The following IL15RA variants were observed in gnomAD, a reference collection of about 807,000 sequenced individuals.
IL15RA encodes the protein interleukin-15 receptor subunit alpha.
A neutral mutation model predicts 24.2 loss-of-function variants in IL15RA; 26 were observed. The ratio of observed to expected loss-of-function variants is 1.07; its 90% CI spans 0.79 to 1.49. The LOEUF is 1.49. Among genes scored for constraint, IL15RA ranks in the 40% most tolerant of loss-of-function variants. The probability of loss-of-function intolerance (pLI) is 0.00; values close to 1 mark genes in which losing one functional copy is unlikely to be tolerated. For synonymous variants in IL15RA, 166 were observed against 157.6 expected (o/e 1.05, Z -0.40); for missense variants, 354 against 356.4 (o/e 0.99, Z 0.05).
At chr10:5,957,428 A>G (rs1834713402) in intron 5 of IL15RA, among the ~76,000 whole-genome samples, 1 of 151,698 alleles carries the variant, frequency 6.6e-6, no homozygotes, top group Non-Finnish European at 1.5e-5. Context: ...GGCAGGTGCC[A>G]CCATGCCCGG....
At chr10:5,957,807 G>A (rs187580603) in intron 5 of IL15RA, among the ~76,000 whole-genome samples, 1 of 152,000 alleles carries the variant, frequency 6.6e-6, no homozygotes, top group East Asian at 1.9e-4. Context: ...GGCCAGGCTG[G>A]TCTCGAACTC....
rs1292324966 is a variant in IL15RA at position 5,965,685 on chromosome 10, C to T, written c.283+460G>A. ...CCCAGCACCTGTGTGTTTCCAACGCCAGGAGCTGTTGCTGAGGATCACACT... is the reference window on the plus strand; with the variant it reads ...CCCAGCACCTGTGTGTTTCCAACGCTAGGAGCTGTTGCTGAGGATCACACT... On this transcript the variant is annotated intron_variant, in intron 2 of 6. Coordinates refer to ENST00000379977, the MANE Select transcript of IL15RA (RefSeq NM_002189.4). This position sits in a 1 kb window ranked among gnomAD's most constrained non-coding sequence, Gnocchi z 5.8. Among the ~76,000 whole-genome samples the T allele has an allele frequency of 6.6e-6, 1 of 152,204 alleles. No homozygotes were observed. The highest frequency in any genetic ancestry group is 1.5e-5 in the Non-Finnish European group (1 of 68,038).
upstream of IL15RA, chr10:5,977,596 A>ATTTGCT (rs1838670913): frequency 8.0e-7 from 1 of 1,256,580 alleles, no homozygotes; most frequent in Non-Finnish European, 1.0e-6. Context: ...CGCCAGTCGC[A>ATTTGCT]TTCGCTTTCG....
chr10:5,969,069 TCTA>T, intron 1 of IL15RA: 1 of 1,140,238 alleles, frequency 8.8e-7, no homozygotes, highest in Non-Finnish European at 1.2e-6. Flanking sequence ...ATTCCATCGA[TCTA>T]TGTGTCTGTT....
In IL15RA at chr10:5,973,348, C is replaced by G. The variant is rs1837915993; in HGVS notation, c.88+4057G>C. Among the ~76,000 whole-genome samples, 1 of 152,198 alleles carries G rather than the reference C, an allele frequency of 6.6e-6. No individual in the cohort carries two copies. Among genetic ancestry groups the G allele is most frequent in the African/African-American group, 2.4e-5 (1 of 41,450 alleles). On this transcript the variant is annotated intron_variant, in intron 1 of 6. Coordinates refer to ENST00000379977, the MANE Select transcript of IL15RA (RefSeq NM_002189.4). The surrounding 1 kb of genome is among the most constrained non-coding windows in gnomAD (Gnocchi z 4.5). ...GTAGTTTTCCATATATGAAAGATGT[C>G]TTTCACATCTTTTGTTAGATTTATC...
upstream of IL15RA, chr10:5,977,899 C>T (rs1201163587): frequency 3.1e-6 from 1 of 317,798 alleles, no homozygotes; most frequent in African/African-American, 2.1e-5. Context: ...AGCAGACTCT[C>T]TCCAGCCCTC....
At chr10:5,978,465 A>G (rs1838773136), upstream of IL15RA, among the ~76,000 whole-genome samples, 1 of 152,126 alleles carries the variant, frequency 6.6e-6, no homozygotes, top group African/African-American at 2.4e-5. This position sits in a 1 kb window ranked among gnomAD's most constrained non-coding sequence, Gnocchi z 5.2. Flanking sequence ...TTAAAATCTC[A>G]CAACGTGTTT....
Position 5,952,701 on chromosome 10 carries a change from T to G in IL15RA, c.*394A>C. The G allele has an allele frequency of 4.4e-6, 1 of 227,502 alleles. No individual in the cohort carries two copies. The allele number at this position is 227,502 out of a possible 1,614,324, so 14.1% of individuals were successfully genotyped here. A position where few individuals can be genotyped will look rare whatever the true frequency, so the allele number is the denominator to read the frequency against. Reference sequence around the variant, plus strand: ...AGAAGCCTTGTAATTGACAGAGAGCTTTGGGTATGTCACTTTTCTCTGTGA... The same window carrying G: ...AGAAGCCTTGTAATTGACAGAGAGCGTTGGGTATGTCACTTTTCTCTGTGA... On this transcript the variant is annotated 3_prime_UTR_variant, in exon 7 of 7. Coordinates refer to ENST00000379977, the MANE Select transcript of IL15RA (RefSeq NM_002189.4).
At position 5,960,362 on chromosome 10, in the gene IL15RA, C is replaced by T; in HGVS notation, c.583+5G>A. On this transcript the variant is annotated splice_donor_5th_base_variant and intron_variant, in intron 4 of 6. Transcript: ENST00000379977. This position sits in a 1 kb window ranked among gnomAD's most constrained non-coding sequence, Gnocchi z 5.1. ...GACCTCTCCTGGGGCAAAGCGAGTG[C>T]TAACCTGGCGGCTGGTGGGAGGCGG... 1 of 1,613,948 alleles carries T rather than the reference C, an allele frequency of 6.2e-7. No homozygotes were observed. The highest frequency in any genetic ancestry group is 8.5e-7 in the Non-Finnish European group (1 of 1,179,848).
downstream of IL15RA, among the ~76,000 whole-genome samples, chr10:5,951,787 T>C (rs3136633): frequency 0.58 from 87,923 of 151,948 alleles, 26,631 homozygotes; most frequent in African/African-American, 0.77. Context: ...ATCTCGCCAT[T>C]GCACTCCAGC....
Position 5,966,288 on chromosome 10 carries a change from T to C in IL15RA, c.140A>G (p.Lys47Arg), listed in dbSNP as rs149532559. ...CTCCCTGGAGTACAAGCTGTAGCTCTTGACCCAGATGTCTGCGTGTTCCAC... is the reference window on the plus strand; with the variant it reads ...CTCCCTGGAGTACAAGCTGTAGCTCCTGACCCAGATGTCTGCGTGTTCCAC... ...MSVEHADIWV[K>R]SYSLYSRERY... The change falls in exon 2 of 7, where the codon AAG (lysine) becomes AGG (arginine). Residue 47 changes from lysine to arginine, a missense_variant. Coordinates refer to ENST00000379977, the MANE Select transcript of IL15RA (RefSeq NM_002189.4). The surrounding 1 kb of genome is among the most constrained non-coding windows in gnomAD (Gnocchi z 6.4). The C allele has an allele frequency of 5.5e-5, 88 of 1,613,904 alleles. No individual in the cohort carries two copies. In the African/African-American group the frequency reaches 1.1e-3, roughly 20 times the overall value.
rs1835904743 is a variant in IL15RA, at chr10:5,963,291, C to A, written c.382+452G>T. ...CTGAGTGGACAGGCATCTGTTCAGG[C>A]CCAACTGTGCTGCCCCTGCTGGCTA... On this transcript the variant is annotated intron_variant, in intron 3 of 6. Coordinates refer to ENST00000379977, the MANE Select transcript of IL15RA (RefSeq NM_002189.4). This position sits in a 1 kb window ranked among gnomAD's most constrained non-coding sequence, Gnocchi z 5.3. Among the ~76,000 whole-genome samples, 1 of 152,174 alleles carries A rather than the reference C, an allele frequency of 6.6e-6. No homozygotes were observed. The highest frequency in any genetic ancestry group is 2.1e-4 in the South Asian group (1 of 4,832).
chr10:5,953,695 C>T lies in IL15RA; in HGVS notation c.693-489G>A. 3.3e-6 allele frequency: 1 copy of T among 301,282 alleles called. No homozygotes were observed. The highest frequency in any genetic ancestry group is 6.0e-5 in the East Asian group (1 of 16,742). The allele number at this position is 301,282 out of a possible 1,614,324, so 18.7% of individuals were successfully genotyped here. The stretch of plus-strand genomic sequence containing the variant: ...AAGGAGAGAGTGACTGGGAGCCTAG[C>T]CAAACCAGAGTTGATCATCTTGAAA... On this transcript the variant is annotated intron_variant, in intron 6 of 6. Transcript: ENST00000379977. The surrounding 1 kb of genome is among the most constrained non-coding windows in gnomAD (Gnocchi z 5.3).
Position 5,958,229 on chromosome 10 carries a change from C to G in IL15RA, c.616+1525G>C. The G allele has an allele frequency of 2.6e-6, 1 of 388,756 alleles. No homozygotes were observed. Among genetic ancestry groups the G allele is most frequent in the South Asian group, 1.7e-5 (1 of 57,442 alleles). 24.1% of individuals were successfully genotyped at this position (388,756 alleles called of 1,614,324 possible). On this transcript the variant is annotated intron_variant, in intron 5 of 6. Coordinates refer to ENST00000379977, the MANE Select transcript of IL15RA (RefSeq NM_002189.4). The surrounding 1 kb of genome is among the most constrained non-coding windows in gnomAD (Gnocchi z 4.3). ...TACAAGGTATACCAGCAAGTGGAAA[C>G]AAACATGGTACAGAAAAGGAGAAAA...
In IL15RA at chr10:5,968,212, C is replaced by G. The variant is rs939047318; in HGVS notation, c.89-1873G>C. Among the ~76,000 whole-genome samples, 2 of 152,170 alleles carry G rather than the reference C, an allele frequency of 1.3e-5. No individual in the cohort carries two copies. Among genetic ancestry groups the G allele is most frequent in the African/African-American group, 4.8e-5 (2 of 41,430 alleles). The stretch of plus-strand genomic sequence containing the variant: ...TAATGGCCTAACTGGGCAAAGGACA[C>G]AGTGGGTGAGTCACAAGAGAGCCAT... On this transcript the variant is annotated intron_variant, in intron 1 of 6. Transcript: ENST00000379977. The surrounding 1 kb of genome is among the most constrained non-coding windows in gnomAD (Gnocchi z 5.4).
Position 5,967,600 on chromosome 10 carries a change from T to C in IL15RA, c.89-1261A>G, listed in dbSNP as rs1479510376. On this transcript the variant is annotated intron_variant, in intron 1 of 6. Coordinates refer to ENST00000379977, the MANE Select transcript of IL15RA (RefSeq NM_002189.4). This position sits in a 1 kb window ranked among gnomAD's most constrained non-coding sequence, Gnocchi z 4.4. The stretch of plus-strand genomic sequence containing the variant: ...TGTTGCTTTCAGCTCTGGTTGGTCA[T>C]TCATACATTTTGGAATGCTTTCCAT... Among the ~76,000 whole-genome samples the C allele has an allele frequency of 6.6e-6, 1 of 152,260 alleles. No individual in the cohort carries two copies. Among genetic ancestry groups the C allele is most frequent in the Non-Finnish European group, 1.5e-5 (1 of 68,050 alleles).
At position 5,960,569 on chromosome 10, in the gene IL15RA, T is replaced by C. The variant is rs1234774179; in HGVS notation, c.383-2A>G. 6.2e-7 allele frequency: 1 copy of C among 1,613,480 alleles called. No individual in the cohort carries two copies. The highest frequency in any genetic ancestry group is 1.3e-5 in the African/African-American group (1 of 74,902). ...AGCTGGGAGATGAAGCTGCGGGCTC[T>C]GTAGGAGAGTCCAAGGCAGGGACAA... On this transcript the variant is annotated splice_acceptor_variant, in intron 3 of 6. Coordinates refer to ENST00000379977, the MANE Select transcript of IL15RA (RefSeq NM_002189.4). LOFTEE classifies it high-confidence loss of function. The surrounding 1 kb of genome is among the most constrained non-coding windows in gnomAD (Gnocchi z 5.1).
rs1343723932 is a variant in IL15RA at position 5,971,768 on chromosome 10, G to C, written c.89-5429C>G. Among the ~76,000 whole-genome samples the C allele has an allele frequency of 6.6e-6, 1 of 152,100 alleles. No individual in the cohort carries two copies. The highest frequency in any genetic ancestry group is 6.6e-5 in the Admixed American group (1 of 15,266). On this transcript the variant is annotated intron_variant, in intron 1 of 6. Coordinates refer to ENST00000379977, the MANE Select transcript of IL15RA (RefSeq NM_002189.4). The surrounding 1 kb of genome is among the most constrained non-coding windows in gnomAD (Gnocchi z 5.5). ...AGCCAAGTCAACACACTTCCTTTTG[G>C]AGTTCCCAAAAAGTACAGACTGTCT...
chr10:5,965,865 C>T lies in IL15RA; in HGVS notation c.283+280G>A, dbSNP rs536206265. On this transcript the variant is annotated intron_variant, in intron 2 of 6. Transcript: ENST00000379977. The surrounding 1 kb of genome is among the most constrained non-coding windows in gnomAD (Gnocchi z 5.8). ...CCTCCCAAGTAGCTGGGATTACAGG[C>T]GCCTGCCACCACGCCCGGCTACTTT... Among the ~76,000 whole-genome samples, 10 of 152,110 alleles carry T rather than the reference C, an allele frequency of 6.6e-5. No homozygotes were observed. The highest frequency in any genetic ancestry group is 2.0e-4 in the Admixed American group (3 of 15,272).
Sources: allele counts gnomAD v4.1 joint callset (sites outside exome capture counted in the v4.1 genomes callset), GRCh38; gene constraint gnomAD v4.1.1; non-coding constraint Gnocchi (gnomAD v3.1); transcripts MANE v1.5; gene names NCBI Gene and HGNC (gene_info 2026-07-23, HGNC 2026-07-21).